EXOC4: variants seen among roughly 807,000 people sequenced by gnomAD.
EXOC4 encodes the protein SEC8-like 1.
In EXOC4, 71 loss-of-function variants were observed where a neutral mutation model predicts 107.2. The ratio of observed to expected loss-of-function variants is 0.66; its 90% CI spans 0.55 to 0.81. The LOEUF is 0.81. Among genes scored for constraint, EXOC4 ranks in the 30% least tolerant of loss-of-function variants. EXOC4 has a pLI of 0.00. For missense variants in EXOC4, 1,108 were observed against 1,189.6 expected (o/e 0.93, Z 1.01); for synonymous variants, 456 against 441.2 (o/e 1.03, Z -0.42).
chr7:133,275,139 C>T lies in EXOC4; in HGVS notation c.244C>T (p.Arg82Cys), dbSNP rs1356331651. The change falls in exon 2 of 18, where the codon CGC (arginine) becomes TGC (cysteine). Residue 82 changes from arginine (R) to cysteine (C), a missense_variant. Arg to Cys is a radical substitution (Grantham distance 180). Transcript: ENST00000253861. ...TCGCACATACCAGAGCATCACAGAG[C>T]GCATCACTAACTCCCGAAATAAAAT... ...AIRTYQSITE[R>C]ITNSRNKIKQ... The T allele has an allele frequency of 7.5e-6, 12 of 1,602,922 alleles. No individual in the cohort carries two copies. The highest frequency in any genetic ancestry group is 4.5e-5 in the East Asian group (2 of 44,752).
chr7:133,844,903 T>A (rs1798093538), intron 11 of EXOC4, among the ~76,000 whole-genome samples: 2 of 152,146 alleles, frequency 1.3e-5, no homozygotes, highest in Admixed American at 6.5e-5. Context: ...AAAACCCATG[T>A]CCACATTAAA....
chr7:134,015,354 G>T (rs1324178719), intron 17 of EXOC4, among the ~76,000 whole-genome samples: 1 of 152,176 alleles, frequency 6.6e-6, no homozygotes, highest in Non-Finnish European at 1.5e-5. Context: ...CACTGCTGTA[G>T]CCCCAGGACC....
chr7:133,589,179 T>A (rs572125202), intron 9 of EXOC4, among the ~76,000 whole-genome samples: 1 of 152,280 alleles, frequency 6.6e-6, no homozygotes, highest in Admixed American at 6.5e-5. Flanking sequence ...GCCATCTTTT[T>A]TACATTACTA....
Position 133,958,608 on chromosome 7 carries a change from C to A in EXOC4, c.2206+20539C>A, listed in dbSNP as rs546635352. On this transcript the variant is annotated intron_variant, in intron 14 of 17. Coordinates refer to ENST00000253861, the MANE Select transcript of EXOC4 (RefSeq NM_021807.4). ...CTGGCACAAAAAACACTGTTATATT[C>A]CAGAAGTTCTTTTTTAACCCAAAAG... Among the ~76,000 whole-genome samples, 11 of 152,208 alleles carry A rather than the reference C, an allele frequency of 7.2e-5. No individual in the cohort carries two copies. In the South Asian group the frequency reaches 2.3e-3, roughly 32 times the overall value.
At chr7:133,559,193 A>G (rs1800760999) in intron 9 of EXOC4, among the ~76,000 whole-genome samples, 1 of 152,142 alleles carries the variant, frequency 6.6e-6, no homozygotes, top group Non-Finnish European at 1.5e-5. Flanking sequence ...AAGTGTGACA[A>G]ATCATTTTCT....
chr7:133,632,178 CTTG>C (rs1444037183), intron 10 of EXOC4, among the ~76,000 whole-genome samples: 1 of 152,094 alleles, frequency 6.6e-6, no homozygotes, highest in African/African-American at 2.4e-5. Flanking sequence ...TTGACAGCTA[CTTG>C]TTAAGTCTTT....
intron 7 of EXOC4, among the ~76,000 whole-genome samples, chr7:133,417,754 T>C (rs1290927678): frequency 6.6e-6 from 1 of 150,944 alleles, no homozygotes; most frequent in Non-Finnish European, 1.5e-5. Flanking sequence ...GTCACCATGG[T>C]TTTTTTACCC....
intron 7 of EXOC4, among the ~76,000 whole-genome samples, chr7:133,424,815 G>C (rs141221052): frequency 1.5e-3 from 222 of 152,304 alleles, no homozygotes; most frequent in Non-Finnish European, 2.0e-3. Flanking sequence ...CTAAACTTAA[G>C]AGAGAGGGAG....
intron 1 of EXOC4, 174 bp downstream of exon 1, chr7:133,253,361 C>T: frequency 7.1e-7 from 1 of 1,398,950 alleles, no homozygotes; most frequent in East Asian, 2.7e-5. Flanking sequence ...CCCCCTCCAC[C>T]TTTTTTTTCT....
At chr7:133,312,923 T>A (rs897272663) in intron 4 of EXOC4, among the ~76,000 whole-genome samples, 1 of 152,118 alleles carries the variant, frequency 6.6e-6, no homozygotes, top group African/African-American at 2.4e-5. Context: ...ATTCTTTTAT[T>A]TATTGCATGA....
At chr7:133,977,583 G>A (rs1793868291) in intron 14 of EXOC4, among the ~76,000 whole-genome samples, 4 of 152,324 alleles carry the variant, frequency 2.6e-5, no homozygotes, top group Admixed American at 2.0e-4. Flanking sequence ...GAGTGCAGTA[G>A]GAACTTGTTT....
intron 9 of EXOC4, among the ~76,000 whole-genome samples, chr7:133,485,163 G>A (rs930817487): frequency 2.0e-5 from 3 of 150,898 alleles, no homozygotes; most frequent in Non-Finnish European, 2.9e-5. Context: ...AATTTAAAAA[G>A]TATCATCATG....
intron 10 of EXOC4, among the ~76,000 whole-genome samples, chr7:133,703,233 C>T (rs1242390831): frequency 1.3e-5 from 2 of 152,210 alleles, no homozygotes; most frequent in Non-Finnish European, 2.9e-5. Context: ...TTGGCAACAG[C>T]ATATGTAGCA....
chr7:133,667,628 A>G (rs1793850278), intron 10 of EXOC4, among the ~76,000 whole-genome samples: 1 of 151,956 alleles, frequency 6.6e-6, no homozygotes, highest in South Asian at 2.1e-4. Context: ...TCTTGTTTTG[A>G]ATTTACTCTT....
intron 10 of EXOC4, among the ~76,000 whole-genome samples, chr7:133,644,027 C>T (rs1416115714): frequency 6.6e-6 from 1 of 152,164 alleles, no homozygotes; most frequent in Non-Finnish European, 1.5e-5. Flanking sequence ...CTCAAGGGGA[C>T]CCGGCCTCCC....
At chr7:133,746,541 A>C (rs1185288297) in intron 10 of EXOC4, among the ~76,000 whole-genome samples, 1 of 152,128 alleles carries the variant, frequency 6.6e-6, no homozygotes, top group Non-Finnish European at 1.5e-5. Flanking sequence ...CATGTAACTT[A>C]CCTGCAGATA....
intron 1 of EXOC4, among the ~76,000 whole-genome samples, chr7:133,272,185 A>G (rs1793888553): frequency 6.6e-6 from 1 of 152,144 alleles, no homozygotes; most frequent in Non-Finnish European, 1.5e-5. Context: ...CACTTTATAG[A>G]TGAGCAAAAT....
At chr7:133,921,484 C>A (rs6951598) in intron 13 of EXOC4, among the ~76,000 whole-genome samples, 1 of 151,994 alleles carries the variant, frequency 6.6e-6, no homozygotes, top group Non-Finnish European at 1.5e-5. Context: ...TGTTTTTTTT[C>A]TCTTTTAACA....
chr7:133,984,019 G>A (rs1288596225), intron 14 of EXOC4, among the ~76,000 whole-genome samples: 1 of 152,170 alleles, frequency 6.6e-6, no homozygotes, highest in African/African-American at 2.4e-5. Flanking sequence ...CAATCGTAAT[G>A]TTTCTCCCCA....
Sources: gnomAD v4.1 joint callset for allele counts (sites outside exome capture counted in the v4.1 genomes callset) on GRCh38, gnomAD v4.1.1 for gene constraint, MANE v1.5 for transcripts, NCBI Gene and HGNC (gene_info 2026-07-23, HGNC 2026-07-21) for gene names.